Variants in DHX8 observed in about 807,000 individuals in gnomAD.
DHX8 encodes the protein DEAH-box helicase 8.
A neutral mutation model predicts 140.7 loss-of-function variants in DHX8; 67 were observed. The observed-to-expected ratio is 0.48, with a 90% CI of 0.39 to 0.58. The LOEUF (loss-of-function observed/expected upper bound fraction) is 0.58. Among genes scored for constraint, DHX8 ranks in the 20% least tolerant of loss-of-function variants. The pLI, the probability that DHX8 is intolerant of heterozygous loss-of-function variation, is 0.00. For synonymous variants in DHX8, 533 were observed against 553.2 expected, an observed-to-expected ratio of 0.96 and a Z score of 0.51; for missense variants, 887 against 1,550.7, an observed-to-expected ratio of 0.57 and a Z score of 7.19.
intron 2 of DHX8, among the ~76,000 whole-genome samples, chr17:43,532,492 A>G (rs557055127): frequency 1.3e-5 from 2 of 151,914 alleles, no homozygotes; most frequent in Non-Finnish European, 2.9e-5. Flanking sequence ...GCAGGACCCC[A>G]TTTCAAAAAA....
At chr17:43,490,002 G>T (rs891797269) in intron 2 of DHX8, among the ~76,000 whole-genome samples, 1 of 151,778 alleles carries the variant, frequency 6.6e-6, no homozygotes, top group Admixed American at 6.6e-5. Flanking sequence ...ATGCCATTAA[G>T]TAGTGATGAT....
intron 2 of DHX8, chr17:43,532,948 G>C: frequency 1.3e-6 from 2 of 1,555,402 alleles, no homozygotes; most frequent in Non-Finnish European, 8.7e-7. Flanking sequence ...AGCTGGATGT[G>C]GTTGGATGGA....
At chr17:43,499,916 G>T in intron 10 of DHX8, 40 bp from the exon 11 acceptor site, 2 of 1,606,208 alleles carry the variant, frequency 1.2e-6, no homozygotes, top group South Asian at 1.1e-5. Context: ...ATTATTTCCC[G>T]GACATTTAAT....
rs756833229 is a variant in DHX8 at position 43,496,272 on chromosome 17, A to G, written c.1300+4A>G. 32 of 1,608,982 alleles carry G rather than the reference A, an allele frequency of 2.0e-5. No homozygotes were observed. Among genetic ancestry groups the G allele is most frequent in the African/African-American group, 2.7e-5 (2 of 74,776 alleles). On this transcript the variant is annotated splice_donor_region_variant and intron_variant, in intron 9 of 22. Transcript: ENST00000262415. ...CCTAAGGTGGATGATGAAGAAGGTAACTAGTCAGTTGGATCGAGAAGGGTA... is the reference window on the plus strand; with the variant it reads ...CCTAAGGTGGATGATGAAGAAGGTAGCTAGTCAGTTGGATCGAGAAGGGTA...
intron 2 of DHX8, chr17:43,533,971 G>A: frequency 6.5e-7 from 1 of 1,536,310 alleles, no homozygotes; most frequent in Non-Finnish European, 8.7e-7. Context: ...CTGGTGGTGG[G>A]GCTGTGGAAA....
At chr17:43,538,712 A>G (rs991289016) in intron 3 of DHX8, among the ~76,000 whole-genome samples, 1 of 152,174 alleles carries the variant, frequency 6.6e-6, no homozygotes, top group African/African-American at 2.4e-5. Context: ...ACAGCAGGAA[A>G]TGTAGACACC....
At chr17:43,488,558 C>A (rs1006290336) in intron 1 of DHX8, among the ~76,000 whole-genome samples, 6 of 151,592 alleles carry the variant, frequency 4.0e-5, no homozygotes, top group Admixed American at 3.9e-4. Flanking sequence ...TTGCAGTGAG[C>A]CGATATCGCA....
At position 43,513,522 on chromosome 17, in the gene DHX8, C is replaced by T; in HGVS notation, c.2643+20C>T. The T allele has an allele frequency of 6.2e-7, 1 of 1,610,862 alleles. No homozygotes were observed. The highest frequency in any genetic ancestry group is 8.5e-7 in the Non-Finnish European group (1 of 1,178,574). ...TCTCAGGTATGACGGCTTGTATCAACAGTTTTCCTGATAATCCTGATTAGG... is the reference window on the plus strand; with the variant it reads ...TCTCAGGTATGACGGCTTGTATCAATAGTTTTCCTGATAATCCTGATTAGG... On this transcript the variant is annotated intron_variant, in intron 17 of 22. Coordinates refer to ENST00000262415, the MANE Select transcript of DHX8 (RefSeq NM_004941.3).
At chr17:43,525,916 T>A, downstream of DHX8, 2 of 985,294 alleles carry the variant, frequency 2.0e-6, no homozygotes, top group Non-Finnish European at 2.4e-6. Context: ...TGAAAAGGGA[T>A]GTTGAATGGG....
At chr17:43,526,480 A>G (rs1404967583), downstream of DHX8, 3 of 1,535,434 alleles carry the variant, frequency 2.0e-6, no homozygotes, top group South Asian at 2.4e-5. Flanking sequence ...TTTGGCTTTG[A>G]CTGTCTCTCC....
chr17:43,512,566 C>T (rs1357924783), intron 16 of DHX8, among the ~76,000 whole-genome samples: 2 of 152,024 alleles, frequency 1.3e-5, no homozygotes, highest in Non-Finnish European at 2.9e-5. Flanking sequence ...TGGGAGGAGG[C>T]TTGAGTGGAA....
chr17:43,489,421 T>C (rs761697510), intron 1 of DHX8, 28 bp from the exon 2 acceptor site: 4 of 1,495,010 alleles, frequency 2.7e-6, no homozygotes, highest in Non-Finnish European at 1.9e-6. Context: ...ATGTCTCTTC[T>C]TTTCTGAATT....
At chr17:43,529,832 G>A, downstream of DHX8, 4 of 1,604,006 alleles carry the variant, frequency 2.5e-6, no homozygotes, top group East Asian at 2.2e-5. Context: ...ACTCCTGCAG[G>A]GACACAGCGT....
At chr17:43,500,388 G>A (rs1184302076) in intron 11 of DHX8, among the ~76,000 whole-genome samples, 5 of 152,132 alleles carry the variant, frequency 3.3e-5, no homozygotes, top group Non-Finnish European at 5.9e-5. Context: ...TCGGGAGGCT[G>A]AGGCAGGAGA....
chr17:43,500,162 A>T, intron 11 of DHX8, 59 bp downstream of exon 11: 1 of 1,572,990 alleles, frequency 6.4e-7, no homozygotes, highest in Non-Finnish European at 8.7e-7. Context: ...TTCAGAACAC[A>T]GGGAGGGGTC....
Position 43,532,496 on chromosome 17 carries a change from C to CA in DHX8, c.351-3905dup, listed in dbSNP as rs1202639826. On this transcript the variant is annotated intron_variant, in intron 2 of 3. Coordinates refer to the DHX8 transcript ENST00000589898. ...CCTGGGCCAGAGCAGGACCCCATTT[C>CA]AAAAAAAAAAAGAAAAAGAAAGAAA... Among the ~76,000 whole-genome samples, 261 of 124,524 alleles carry CA rather than the reference C, an allele frequency of 2.1e-3. 2 individuals are homozygous for CA. The highest frequency in any genetic ancestry group is 0.017 in the Middle Eastern group (4 of 232). The allele number at this position is 124,524 out of a possible 152,430, so 81.7% of individuals were successfully genotyped here. A position where few individuals can be genotyped will look rare whatever the true frequency, so the allele number is the denominator to read the frequency against.
Position 43,513,513 on chromosome 17 carries a change from T to C in DHX8, c.2643+11T>C. On this transcript the variant is annotated intron_variant, in intron 17 of 22. Coordinates refer to ENST00000262415, the MANE Select transcript of DHX8 (RefSeq NM_004941.3). ...ACGCCTATTTCTCAGGTATGACGGC[T>C]TGTATCAACAGTTTTCCTGATAATC... 6.2e-7 allele frequency: 1 copy of C among 1,612,676 alleles called. No individual in the cohort carries two copies. The highest frequency in any genetic ancestry group is 1.1e-5 in the South Asian group (1 of 90,818).
At chr17:43,496,427 A>C (rs1314357915) in intron 9 of DHX8, among the ~76,000 whole-genome samples, 159 bp downstream of exon 9, 1 of 152,088 alleles carries the variant, frequency 6.6e-6, no homozygotes, top group Non-Finnish European at 1.5e-5. Flanking sequence ...TGGAAGCAAG[A>C]AGTTCATTTT....
chr17:43,492,619 G>C (rs1190129798), intron 5 of DHX8, 62 bp from the exon 6 acceptor site: 1 of 978,122 alleles, frequency 1.0e-6, no homozygotes, highest in East Asian at 2.5e-5. Context: ...CTGGGTGCTT[G>C]GGGATGCGAA....
Sources: allele counts gnomAD v4.1 joint callset (sites outside exome capture counted in the v4.1 genomes callset), GRCh38; gene constraint gnomAD v4.1.1; transcripts MANE v1.5; gene names NCBI Gene and HGNC (gene_info 2026-07-23, HGNC 2026-07-21).